NT5C3A: variants seen among roughly 807,000 people sequenced by gnomAD.
The protein encoded by NT5C3A is cytosolic 5'-nucleotidase 3A.
NT5C3A carries 23 observed loss-of-function variants against 40.0 expected under a neutral mutation model. The observed-to-expected ratio is 0.58, with a 90% CI of 0.41 to 0.81. The LOEUF (loss-of-function observed/expected upper bound fraction) is 0.81, where lower values mean the gene tolerates loss of function less well. NT5C3A is among the 40% of genes least tolerant of loss of function. The pLI is 0.00. For synonymous variants in NT5C3A, 130 were observed against 141.4 expected (o/e 0.92, Z 0.57); for missense variants, 328 against 403.0 (o/e 0.81, Z 1.59).
At chr7:33,047,569 G>A (rs114904533) in intron 1 of NT5C3A, among the ~76,000 whole-genome samples, 4,532 of 152,038 alleles carry the variant, frequency 0.03, 99 homozygotes, top group South Asian at 0.12. Flanking sequence ...ATACAATATA[G>A]TTATGAAAAT....
chr7:33,028,212 G>C (rs1000469784), intron 1 of NT5C3A, among the ~76,000 whole-genome samples: 1 of 152,198 alleles, frequency 6.6e-6, no homozygotes, highest in Non-Finnish European at 1.5e-5. Flanking sequence ...GGAAGCTGAC[G>C]ATCACTGGAG....
chr7:33,033,947 A>G (rs1451680874), intron 1 of NT5C3A, among the ~76,000 whole-genome samples: 1 of 148,596 alleles, frequency 6.7e-6, no homozygotes, highest in South Asian at 2.1e-4. Context: ...ATTGGAGTGC[A>G]GTGGCGCCTC....
chr7:33,015,509 G>A (rs1049358745), intron 8 of NT5C3A, among the ~76,000 whole-genome samples, 161 bp downstream of exon 8: 3 of 152,074 alleles, frequency 2.0e-5, no homozygotes, highest in Admixed American at 2.0e-4. Flanking sequence ...GCTGCAGTGA[G>A]ATGTGATTGC....
intron 1 of NT5C3A, among the ~76,000 whole-genome samples, chr7:33,049,744 C>A (rs906579825): frequency 1.3e-5 from 2 of 151,876 alleles, no homozygotes; most frequent in African/African-American, 4.8e-5. Flanking sequence ...CCGAGACAGG[C>A]AGATCACAAG....
rs34501041 is a variant in NT5C3A, at chr7:33,032,423, CAAAAAAA to C, written c.139-5515_139-5509del. ...GGGTGACAGAGTGAGACTCGGTCTC[CAAAAAAA>C]AAAAAAAAAAAATTTACTTTTATGT... On this transcript the variant is annotated intron_variant, in intron 1 of 8. Transcript: ENST00000610140. 3.2e-5 allele frequency among the ~76,000 whole-genome samples: 3 copies of C among 94,834 alleles called. No individual in the cohort carries two copies. The Admixed American group carries it at 3.6e-4, about 12-fold the overall frequency. The allele number at this position is 94,834 out of a possible 152,430, so 62.2% of individuals were successfully genotyped here. A position where few individuals can be genotyped will look rare whatever the true frequency, so the allele number is the denominator to read the frequency against.
chr7:33,026,794 A>C, intron 2 of NT5C3A, 23 bp downstream of exon 2: 7 of 1,522,418 alleles, frequency 4.6e-6, no homozygotes, highest in Non-Finnish European at 6.4e-6. Context: ...ACACACAGCC[A>C]AGGCTTCTTG....
At chr7:33,049,591 G>A (rs1787281644) in intron 1 of NT5C3A, among the ~76,000 whole-genome samples, 1 of 152,094 alleles carries the variant, frequency 6.6e-6, no homozygotes. Flanking sequence ...AGGAACATGT[G>A]ACAAAATCTC....
intron 1 of NT5C3A, among the ~76,000 whole-genome samples, chr7:33,046,373 C>CA (rs1787154254): frequency 6.6e-6 from 1 of 151,946 alleles, no homozygotes; most frequent in Non-Finnish European, 1.5e-5. Context: ...CCTGTATCCA[C>CA]AAAAAATGTT....
At chr7:33,016,626 C>G (rs1393981384) in intron 7 of NT5C3A, among the ~76,000 whole-genome samples, 1 of 149,572 alleles carries the variant, frequency 6.7e-6, no homozygotes, top group East Asian at 2.0e-4. Context: ...GCTAAGATCA[C>G]CCCACTGAAC....
intron 1 of NT5C3A, among the ~76,000 whole-genome samples, chr7:33,035,503 C>T (rs1277756581): frequency 1.3e-5 from 2 of 152,060 alleles, no homozygotes; most frequent in Admixed American, 1.3e-4. Flanking sequence ...GATACGAAGC[C>T]AGTTCTGACT....
intron 1 of NT5C3A, among the ~76,000 whole-genome samples, chr7:33,052,757 A>G (rs148125170): frequency 1.3e-5 from 2 of 152,314 alleles, no homozygotes; most frequent in African/African-American, 4.8e-5. Flanking sequence ...TTAATTGTTT[A>G]CTTAAATGAT....
intron 1 of NT5C3A, among the ~76,000 whole-genome samples, chr7:33,033,207 G>T (rs1786380285): frequency 6.6e-6 from 1 of 152,200 alleles, no homozygotes; most frequent in African/African-American, 2.4e-5. Context: ...AGCAACAAAA[G>T]ACTTCATTAC....
At chr7:33,015,173 C>T (rs1048790309) in intron 8 of NT5C3A, among the ~76,000 whole-genome samples, 1 of 152,082 alleles carries the variant, frequency 6.6e-6, no homozygotes, top group African/African-American at 2.4e-5. Flanking sequence ...ACAGAGGCCT[C>T]CTACAGAATA....
intron 1 of NT5C3A, among the ~76,000 whole-genome samples, chr7:33,050,527 T>C (rs1186684927): frequency 6.6e-6 from 1 of 152,162 alleles, no homozygotes; most frequent in Non-Finnish European, 1.5e-5. Flanking sequence ...TAACTAATGA[T>C]ATCGGAGATA....
At chr7:33,045,639 T>C (rs1787113071) in intron 1 of NT5C3A, among the ~76,000 whole-genome samples, 1 of 152,066 alleles carries the variant, frequency 6.6e-6, no homozygotes, top group Non-Finnish European at 1.5e-5. Context: ...TTTGTATTTT[T>C]AGTAGAGATG....
intron 1 of NT5C3A, among the ~76,000 whole-genome samples, chr7:33,033,843 G>T (rs1043210751): frequency 6.8e-6 from 1 of 148,040 alleles, no homozygotes; most frequent in Non-Finnish European, 1.5e-5. Flanking sequence ...GAGAAGTAAA[G>T]AATAACATGC....
intron 1 of NT5C3A, among the ~76,000 whole-genome samples, chr7:33,052,876 G>C (rs4445128): frequency 0.72 from 110,275 of 152,126 alleles, 40,240 homozygotes; most frequent in African/African-American, 0.79. Context: ...TAGATAACTC[G>C]CATATATAAC....
intron 6 of NT5C3A, among the ~76,000 whole-genome samples, chr7:33,018,772 C>T (rs1038602869): frequency 6.6e-6 from 1 of 151,580 alleles, no homozygotes; most frequent in Middle Eastern, 3.2e-3. Context: ...ATGGCGTGAA[C>T]CTGGGAGGCG....
intron 4 of NT5C3A, 53 bp from the exon 5 acceptor site, chr7:33,021,410 T>A: frequency 6.3e-7 from 1 of 1,591,590 alleles, no homozygotes; most frequent in Non-Finnish European, 8.6e-7. Flanking sequence ...ATAAATCTGC[T>A]TGGTTTTATA....
Sources: allele counts gnomAD v4.1 joint callset (sites outside exome capture counted in the v4.1 genomes callset), GRCh38; gene constraint gnomAD v4.1.1; transcripts MANE v1.5; gene names NCBI Gene and HGNC (gene_info 2026-07-23, HGNC 2026-07-21).